BEAN1: variants seen among roughly 807,000 people sequenced by gnomAD.
BEAN1 encodes protein BEAN1.
Under a neutral mutation model 17.7 loss-of-function variants are expected in BEAN1, and 17 were observed. The observed-to-expected ratio is 0.96, with a 90% CI of 0.66 to 1.44. The LOEUF (loss-of-function observed/expected upper bound fraction) is 1.44. BEAN1 is among the 40% of genes most tolerant of loss of function. BEAN1 has a pLI of 0.00. For missense variants in BEAN1, 359 were observed against 374.1 expected (o/e 0.96, Z 0.33); for synonymous variants, 142 against 151.8 (o/e 0.94, Z 0.47).
At chr16:66,447,328 C>T (rs185254452) in intron 2 of BEAN1, among the ~76,000 whole-genome samples, 4 of 152,240 alleles carry the variant, frequency 2.6e-5, no homozygotes, top group Admixed American at 2.6e-4. Context: ...GTTTGAAAAC[C>T]GCTGGAGCAA....
chr16:66,494,521 C>T (rs977850701), downstream of BEAN1, among the ~76,000 whole-genome samples: 1 of 152,162 alleles, frequency 6.6e-6, no homozygotes, highest in Non-Finnish European at 1.5e-5. Context: ...CTTCATGTCC[C>T]AGTTCAGTTG....
Position 66,459,836 on chromosome 16 carries a change from T to C in BEAN1, c.26-9766T>C, listed in dbSNP as rs149343940. ...TGGGCAGCCCATTCCAGACCAGGAC[T>C]CTTTAAGTCCTGACTTGCTCTTCTG... On this transcript the variant is annotated intron_variant, in intron 2 of 4. Transcript: ENST00000536005. Among the ~76,000 whole-genome samples the C allele has an allele frequency of 2.0e-4, 31 of 152,354 alleles. No individual in the cohort carries two copies. The East Asian group carries it at 6.0e-3, about 29-fold the overall frequency.
chr16:66,449,322 C>T (rs1962579249), intron 2 of BEAN1, among the ~76,000 whole-genome samples: 1 of 151,974 alleles, frequency 6.6e-6, no homozygotes, highest in East Asian at 1.9e-4. Flanking sequence ...AAAGATCATT[C>T]ATGGGCCGGG....
chr16:66,490,218 TAAAAAAAAAAAAAA>T (rs774079713), intron 4 of BEAN1, among the ~76,000 whole-genome samples: 3 of 43,606 alleles, frequency 6.9e-5, no homozygotes, highest in Non-Finnish European at 1.3e-4. Flanking sequence ...CCATCTCTAC[TAAAAAAAAAAAAAA>T]AAAAAAAAAA....
chr16:66,470,000 TCAGGAAGAGCTCA>T, intron 3 of BEAN1, 135 bp downstream of exon 3: 1 of 1,264,302 alleles, frequency 7.9e-7, no homozygotes, highest in Non-Finnish European at 1.1e-6. Flanking sequence ...TCTTGGGTGG[TCAGGAAGAGCTCA>T]CAGGCGCCCA....
chr16:66,447,090 C>A (rs1962484837), intron 2 of BEAN1, among the ~76,000 whole-genome samples: 1 of 152,132 alleles, frequency 6.6e-6, no homozygotes, highest in Non-Finnish European at 1.5e-5. Flanking sequence ...GGCAGCATAC[C>A]AAGACCCTGT....
At position 66,481,245 on chromosome 16, in the gene BEAN1, C is replaced by T. The variant is rs1039311876; in HGVS notation, c.*320C>T. On this transcript the variant is annotated 3_prime_UTR_variant, in exon 5 of 5. Transcript: ENST00000536005. The surrounding 1 kb of genome is among the most constrained non-coding windows in gnomAD (Gnocchi z 4.1). ...CTGTTTGTTGTGCCTCTGTAGAGAG[C>T]GCTTCGGAGAGAGAGGCGAAGTAGG... 3.0e-5 allele frequency: 12 copies of T among 400,242 alleles called. No individual in the cohort carries two copies. Among genetic ancestry groups the T allele is most frequent in the African/African-American group, 2.1e-4 (10 of 48,636 alleles). The allele number at this position is 400,242 out of a possible 1,614,324, so 24.8% of individuals were successfully genotyped here. A position where few individuals can be genotyped will look rare whatever the true frequency, so the allele number is the denominator to read the frequency against.
chr16:66,490,446 AAATAAAAT>A (rs1964158316), intron 4 of BEAN1, among the ~76,000 whole-genome samples: 1 of 143,168 alleles, frequency 7.0e-6, no homozygotes, highest in South Asian at 2.2e-4. Context: ...AAATAAAATA[AAATAAAAT>A]AATAAAATAA....
intron 2 of BEAN1, among the ~76,000 whole-genome samples, chr16:66,463,403 G>A (rs915303579): frequency 6.6e-6 from 1 of 152,132 alleles, no homozygotes; most frequent in Non-Finnish European, 1.5e-5. Flanking sequence ...TAATGATGTT[G>A]GGCAACTTTT....
intron 4 of BEAN1, among the ~76,000 whole-genome samples, chr16:66,491,207 C>T (rs1242172834): frequency 6.6e-6 from 1 of 152,218 alleles, no homozygotes; most frequent in Admixed American, 6.5e-5. Context: ...AGGAGGGCCC[C>T]TCCATGGCTC....
chr16:66,479,993 C>A (rs1488886808), intron 4 of BEAN1, among the ~76,000 whole-genome samples: 1 of 152,156 alleles, frequency 6.6e-6, no homozygotes, highest in East Asian at 1.9e-4. Context: ...GGGGTCAGGG[C>A]CTCCACCATT....
Position 66,456,745 on chromosome 16 carries a change from G to A in BEAN1, c.26-12857G>A, listed in dbSNP as rs117275045. ...AGTGAGTTTTTCAGCCAATAAATAA[G>A]TTCTTCTTTAAGCCGGAGTTAAAAC... On this transcript the variant is annotated intron_variant, in intron 2 of 4. Transcript: ENST00000536005. Among the ~76,000 whole-genome samples, 614 of 152,328 alleles carry A rather than the reference G, an allele frequency of 4.0e-3. 3 individuals are homozygous for A. Among genetic ancestry groups the A allele is most frequent in the Middle Eastern group, 0.014 (4 of 294 alleles).
chr16:66,462,731 G>A lies in BEAN1; in HGVS notation c.26-6871G>A, dbSNP rs34840015. Among the ~76,000 whole-genome samples the A allele has an allele frequency of 9.4e-3, 1,433 of 152,156 alleles. 17 individuals carry two copies. The highest frequency in any genetic ancestry group is 0.058 in the Middle Eastern group (17 of 294). Reference sequence around the variant, plus strand: ...CGGGAGAATTGCTTGAACCCAGGAGGCAGATGTTGCGGTGAGCTGAGATCG... The same window carrying A: ...CGGGAGAATTGCTTGAACCCAGGAGACAGATGTTGCGGTGAGCTGAGATCG... On this transcript the variant is annotated intron_variant, in intron 2 of 4. Coordinates refer to ENST00000536005, the MANE Select transcript of BEAN1 (RefSeq NM_001178020.3).
At chr16:66,429,578 G>A (rs1961716484) in intron 1 of BEAN1, among the ~76,000 whole-genome samples, 1 of 152,168 alleles carries the variant, frequency 6.6e-6, no homozygotes, top group Non-Finnish European at 1.5e-5. Flanking sequence ...AGGGATGGGG[G>A]AGGAATCTCA....
At chr16:66,456,467 C>T (rs1172743335) in intron 2 of BEAN1, among the ~76,000 whole-genome samples, 5 of 152,184 alleles carry the variant, frequency 3.3e-5, no homozygotes, top group Admixed American at 1.3e-4. Context: ...ACAGTAACTC[C>T]ACTGGCATTA....
At chr16:66,446,583 A>C (rs1481820998) in intron 2 of BEAN1, among the ~76,000 whole-genome samples, 1 of 152,126 alleles carries the variant, frequency 6.6e-6, no homozygotes, top group African/African-American at 2.4e-5. Flanking sequence ...GAGGACTGTC[A>C]GTGTGTGAAT....
downstream of BEAN1, chr16:66,483,565 A>C (rs903492989): frequency 6.6e-6 from 1 of 152,222 alleles, no homozygotes; most frequent in Admixed American, 6.5e-5. Flanking sequence ...GCCCTCCACA[A>C]CACCATGGCT....
At chr16:66,440,648 C>T (rs1315748113) in intron 2 of BEAN1, among the ~76,000 whole-genome samples, 1 of 152,192 alleles carries the variant, frequency 6.6e-6, no homozygotes, top group Non-Finnish European at 1.5e-5. Flanking sequence ...CTGTGCATGC[C>T]CCAGACCTTC....
chr16:66,480,513 G>C, intron 4 of BEAN1, 73 bp from the exon 5 acceptor site: 7 of 1,228,878 alleles, frequency 5.7e-6, no homozygotes, highest in Non-Finnish European at 7.8e-6. Flanking sequence ...ACTGCAGATA[G>C]ACCCCCAGGC....
Sources: allele counts gnomAD v4.1 joint callset (sites outside exome capture counted in the v4.1 genomes callset), GRCh38; gene constraint gnomAD v4.1.1; non-coding constraint Gnocchi (gnomAD v3.1); transcripts MANE v1.5; gene names NCBI Gene and HGNC (gene_info 2026-07-23, HGNC 2026-07-21).